The following PTPRA variants were observed in gnomAD, a reference collection of about 807,000 sequenced individuals.
The protein encoded by PTPRA is receptor-type tyrosine-protein phosphatase alpha.
A neutral mutation model predicts 104.8 loss-of-function variants in PTPRA; 25 were observed. The ratio of observed to expected loss-of-function variants is 0.24; its 90% CI spans 0.17 to 0.33. The LOEUF (loss-of-function observed/expected upper bound fraction) is 0.33, where lower values mean the gene tolerates loss of function less well. Ranked by LOEUF, PTPRA falls within the 10% of genes least tolerant of loss-of-function variation. The pLI is 1.00. For synonymous variants in PTPRA, 323 were observed against 368.9 expected (o/e 0.88, Z 1.43); for missense variants, 765 against 1,015.3 (o/e 0.75, Z 3.35).
rs571118066 is a variant in PTPRA at position 2,915,459 on chromosome 20, A to G, written c.-128-7748A>G. 6.8e-3 allele frequency among the ~76,000 whole-genome samples: 980 copies of G among 143,246 alleles called. 4 individuals carry two copies. Among genetic ancestry groups the G allele is most frequent in the Middle Eastern group, 0.014 (4 of 282 alleles). The allele number at this position is 143,246 out of a possible 152,430, so 94.0% of individuals were successfully genotyped here. On this transcript the variant is annotated intron_variant, in intron 1 of 23. Transcript: ENST00000399903. ...TTTGCCTATTTTTTAAATTGGGGGG[A>G]AGTTGTCTTTTTTTGTTACTGAATT... is the stretch of plus-strand genomic sequence containing the variant.
chr20:2,944,308 C>T (rs566002175), intron 2 of PTPRA, among the ~76,000 whole-genome samples: 4 of 152,252 alleles, frequency 2.6e-5, no homozygotes, highest in African/African-American at 9.6e-5. Flanking sequence ...TCCCAAAGTG[C>T]TGGGATTACA....
intron 9 of PTPRA, among the ~76,000 whole-genome samples, chr20:3,000,271 G>GAA (rs2063573056): frequency 6.6e-6 from 1 of 152,142 alleles, no homozygotes; most frequent in Non-Finnish European, 1.5e-5. Flanking sequence ...CTGGGTGACA[G>GAA]AACAAGACTC....
At chr20:2,936,246 A>C (rs1225473305) in intron 2 of PTPRA, among the ~76,000 whole-genome samples, 1 of 152,178 alleles carries the variant, frequency 6.6e-6, no homozygotes, top group Non-Finnish European at 1.5e-5. Flanking sequence ...ATAATGGTGC[A>C]TATCTCAGAA....
At chr20:2,874,899 C>CT (rs2089612562) in intron 1 of PTPRA, among the ~76,000 whole-genome samples, 2 of 152,312 alleles carry the variant, frequency 1.3e-5, no homozygotes, top group South Asian at 4.1e-4. Flanking sequence ...GTATTCAGAG[C>CT]TGCTTGACTG....
chr20:2,924,230 C>T (rs780100859), intron 2 of PTPRA, among the ~76,000 whole-genome samples: 4 of 152,074 alleles, frequency 2.6e-5, no homozygotes, highest in South Asian at 2.1e-4. Context: ...GGTGAAACCC[C>T]ATCTCTACTA....
At chr20:2,915,760 G>A (rs2059881705) in intron 1 of PTPRA, among the ~76,000 whole-genome samples, 1 of 152,140 alleles carries the variant, frequency 6.6e-6, no homozygotes, top group African/African-American at 2.4e-5. Flanking sequence ...GGCTGAGACA[G>A]GCGGATTGCC....
At chr20:3,036,099 A>G (rs1232077694) in intron 22 of PTPRA, among the ~76,000 whole-genome samples, 158 bp downstream of exon 22, 1 of 152,226 alleles carries the variant, frequency 6.6e-6, no homozygotes, top group East Asian at 1.9e-4. Flanking sequence ...ATTGGATGCT[A>G]AGAGAGAGGA....
intron 20 of PTPRA, among the ~76,000 whole-genome samples, chr20:3,033,087 ACT>A (rs2065592227): frequency 6.6e-6 from 1 of 151,708 alleles, no homozygotes; most frequent in African/African-American, 2.4e-5. Context: ...GCGCTAGCCC[ACT>A]CTGTTTTCTT....
chr20:2,948,689 C>T (rs1000494292), intron 3 of PTPRA, among the ~76,000 whole-genome samples: 13 of 152,132 alleles, frequency 8.5e-5, no homozygotes, highest in Non-Finnish European at 1.3e-4. Flanking sequence ...CGGTGGCTCA[C>T]GCCTGGAATC....
At chr20:2,888,384 A>T (rs2090492210) in intron 1 of PTPRA, among the ~76,000 whole-genome samples, 1 of 151,984 alleles carries the variant, frequency 6.6e-6, no homozygotes, top group Non-Finnish European at 1.5e-5. Flanking sequence ...ACATAGTGAG[A>T]CCCTGCTTCT....
chr20:2,920,623 A>T (rs1040829465), intron 1 of PTPRA, among the ~76,000 whole-genome samples: 1 of 152,088 alleles, frequency 6.6e-6, no homozygotes, highest in Non-Finnish European at 1.5e-5. Context: ...GGGAGTGATG[A>T]TGGGAATTTT....
Position 2,933,568 on chromosome 20 carries a change from C to G in PTPRA, c.-50+10283C>G, listed in dbSNP as rs117395699. Among the ~76,000 whole-genome samples, 505 of 152,098 alleles carry G rather than the reference C, an allele frequency of 3.3e-3. 1 individual carries two copies. Among genetic ancestry groups the G allele is most frequent in the Non-Finnish European group, 5.6e-3 (382 of 68,006 alleles). ...CTCCACCTTCTGGGGTCAAATGATT[C>G]TTGTGTCTCAGCCTCCCAAGTAGCT... On this transcript the variant is annotated intron_variant, in intron 2 of 23. Transcript: ENST00000399903.
At chr20:2,866,104 C>CAT in the PTPRA span, 1 of 933,052 alleles carries the variant, frequency 1.1e-6, no homozygotes, top group Non-Finnish European at 1.7e-6. Context: ...CGGGTGTATA[C>CAT]ATATAGAATA....
chr20:2,888,049 TCCCTCAAAG>T (rs775643630), intron 1 of PTPRA, among the ~76,000 whole-genome samples: 3 of 152,166 alleles, frequency 2.0e-5, no homozygotes, highest in Non-Finnish European at 4.4e-5. Context: ...GCTAGAATGG[TCCCTCAAAG>T]CCCTCAAACA....
chr20:2,945,387 A>G (rs937237446), intron 2 of PTPRA, among the ~76,000 whole-genome samples: 1 of 152,180 alleles, frequency 6.6e-6, no homozygotes, highest in African/African-American at 2.4e-5. Context: ...GGAGTCTTCA[A>G]TCATTTTAAT....
intron 9 of PTPRA, among the ~76,000 whole-genome samples, chr20:2,999,939 A>G (rs1242132804): frequency 6.6e-6 from 1 of 152,200 alleles, no homozygotes; most frequent in Non-Finnish European, 1.5e-5. Context: ...TAACACAGGT[A>G]ACTGATAAAG....
intron 10 of PTPRA, among the ~76,000 whole-genome samples, chr20:3,006,102 T>A (rs1452047583): frequency 1.3e-5 from 2 of 152,208 alleles, no homozygotes; most frequent in Non-Finnish European, 2.9e-5. Context: ...CAAACAGTCC[T>A]CCTGCTTTGG....
chr20:2,916,771 A>G (rs924483520), intron 1 of PTPRA, among the ~76,000 whole-genome samples: 1 of 152,028 alleles, frequency 6.6e-6, no homozygotes, highest in African/African-American at 2.4e-5. Flanking sequence ...CTCATTTAAA[A>G]CTATTCCATT....
intron 2 of PTPRA, among the ~76,000 whole-genome samples, chr20:2,930,315 A>G (rs1218798197): frequency 6.6e-6 from 1 of 152,186 alleles, no homozygotes; most frequent in Non-Finnish European, 1.5e-5. Context: ...TGGTAGGTGA[A>G]AAAAGGATTC....
Sources: gnomAD v4.1 joint callset for allele counts (sites outside exome capture counted in the v4.1 genomes callset) on GRCh38, gnomAD v4.1.1 for gene constraint, MANE v1.5 for transcripts, NCBI Gene and HGNC (gene_info 2026-07-23, HGNC 2026-07-21) for gene names.